ASB18: variants seen among roughly 807,000 people sequenced by gnomAD.
ASB18 encodes ankyrin repeat and SOCS box containing 18, also known as ankyrin repeat and SOCS box protein 18.
In ASB18, 33 loss-of-function variants were observed where a neutral mutation model predicts 33.4. The observed-to-expected ratio is 0.99, with a 90% CI of 0.75 to 1.32. The LOEUF (loss-of-function observed/expected upper bound fraction) is 1.32, where lower values mean the gene tolerates loss of function less well. ASB18 is among the 40% of genes most tolerant of loss of function. ASB18 has a pLI of 0.00. For synonymous variants in ASB18, 295 were observed against 307.6 expected (o/e 0.96, Z 0.43); for missense variants, 694 against 655.5 (o/e 1.06, Z -0.64).
intron 1 of ASB18, among the ~76,000 whole-genome samples, chr2:236,261,242 C>T (rs2060716709): frequency 6.6e-6 from 1 of 152,178 alleles, no homozygotes; most frequent in Non-Finnish European, 1.5e-5. Context: ...CATGGGAGAG[C>T]TTAGGCAAGA....
chr2:236,258,537 G>A (rs766074030), intron 1 of ASB18, among the ~76,000 whole-genome samples: 11 of 152,158 alleles, frequency 7.2e-5, no homozygotes, highest in East Asian at 1.9e-4. Flanking sequence ...CCTCTAAGGC[G>A]GGAGCTGTGC....
At position 236,259,109 on chromosome 2, in the gene ASB18, AC is replaced by A. The variant is rs2060706611; in HGVS notation, c.205+5031del. Among the ~76,000 whole-genome samples the A allele has an allele frequency of 6.6e-6, 1 of 152,184 alleles. No homozygotes were observed. The highest frequency in any genetic ancestry group is 2.1e-4 in the South Asian group (1 of 4,828). ...CTCTCTGTGTTCTCTGCAGCTACTA[AC>A]CAATTGGTATTGAAAAGAGGCAAGC... is the stretch of plus-strand genomic sequence containing the variant. On this transcript the variant is annotated intron_variant, in intron 1 of 5. Transcript: ENST00000409749. The surrounding 1 kb of genome is among the most constrained non-coding windows in gnomAD (Gnocchi z 4.4).
Position 236,196,036 on chromosome 2 carries a change from C to T in ASB18, c.1215+236G>A, listed in dbSNP as rs989506335. On this transcript the variant is annotated intron_variant, in intron 5 of 5. Coordinates refer to ENST00000409749, the MANE Select transcript of ASB18 (RefSeq NM_212556.4). The surrounding 1 kb of genome is among the most constrained non-coding windows in gnomAD (Gnocchi z 5.6). ...AACCCTCGCGCTTTTCAGGCCAGCA[C>T]GGGGCTCTGAGCTCCTTGAGGCCAT... is the stretch of plus-strand genomic sequence containing the variant. 21 of 539,704 alleles carry T rather than the reference C, an allele frequency of 3.9e-5. No individual in the cohort carries two copies. The highest frequency in any genetic ancestry group is 7.7e-5 in the African/African-American group (4 of 52,024). The allele number at this position is 539,704 out of a possible 1,614,324, so 33.4% of individuals were successfully genotyped here. A position where few individuals can be genotyped will look rare whatever the true frequency, so the allele number is the denominator to read the frequency against.
rs2060708557 is a variant in ASB18 at position 236,259,514 on chromosome 2, G to A, written c.205+4627C>T. ...CTTTATGCTTTCATGCAGGGAGGAT[G>A]CACGATTTCTGTCCCAGTGGGAAGG... is the stretch of plus-strand genomic sequence containing the variant. On this transcript the variant is annotated intron_variant, in intron 1 of 5. Coordinates refer to ENST00000409749, the MANE Select transcript of ASB18 (RefSeq NM_212556.4). The surrounding 1 kb of genome is among the most constrained non-coding windows in gnomAD (Gnocchi z 4.4). 2 of 471,120 alleles carry A rather than the reference G, an allele frequency of 4.2e-6. No homozygotes were observed. The highest frequency in any genetic ancestry group is 3.1e-5 in the South Asian group (2 of 64,526). The allele number at this position is 471,120 out of a possible 1,614,324, so 29.2% of individuals were successfully genotyped here.
At position 236,231,512 on chromosome 2, in the gene ASB18, T is replaced by G. The variant is rs549171164; in HGVS notation, c.596+6177A>C. Among the ~76,000 whole-genome samples, 1 of 152,226 alleles carries G rather than the reference T, an allele frequency of 6.6e-6. No individual in the cohort carries two copies. The highest frequency in any genetic ancestry group is 1.5e-5 in the Non-Finnish European group (1 of 67,984). ...TCTTGGAAGCAACACAATGCCATCT[T>G]GGAAGCAGAGAACATGCCCTCACCA... On this transcript the variant is annotated intron_variant, in intron 3 of 5. Transcript: ENST00000409749. The surrounding 1 kb of genome is among the most constrained non-coding windows in gnomAD (Gnocchi z 5.5).
chr2:236,246,346 CAAAAAAAAAAAAAAAAAA>C (rs60064230), intron 1 of ASB18, among the ~76,000 whole-genome samples: 6 of 32,700 alleles, frequency 1.8e-4, no homozygotes, highest in African/African-American at 4.5e-4. Flanking sequence ...GACTCCATCT[CAAAAAAAAAAAAAAAAAA>C]AAAAAAAAAA....
chr2:236,253,274 T>G lies in ASB18; in HGVS notation c.205+10867A>C, dbSNP rs2060675915. Among the ~76,000 whole-genome samples the G allele has an allele frequency of 6.6e-6, 1 of 152,218 alleles. No homozygotes were observed. The highest frequency in any genetic ancestry group is 1.5e-5 in the Non-Finnish European group (1 of 68,034). On this transcript the variant is annotated intron_variant, in intron 1 of 5. Coordinates refer to ENST00000409749, the MANE Select transcript of ASB18 (RefSeq NM_212556.4). The surrounding 1 kb of genome is among the most constrained non-coding windows in gnomAD (Gnocchi z 5.4). ...ACTGAGGTGTTGTGGAGATGTGGCT[T>G]GGACCAGAGTTTCTCAAGCACCCGA...
rs1402332633 is a variant in ASB18, at chr2:236,209,317, G to A, written c.1101+5045C>T. 6.6e-6 allele frequency among the ~76,000 whole-genome samples: 1 copy of A among 150,506 alleles called. No homozygotes were observed. Among genetic ancestry groups the A allele is most frequent in the Non-Finnish European group, 1.5e-5 (1 of 67,882 alleles). On this transcript the variant is annotated intron_variant, in intron 4 of 5. Transcript: ENST00000409749. This position sits in a 1 kb window ranked among gnomAD's most constrained non-coding sequence, Gnocchi z 4.4. Reference sequence around the variant, plus strand: ...AGACAAGGTCTTGCTCTGTCGTCCAGGCTGGAGTGTAGTATTGCAATCATG... The same window carrying A: ...AGACAAGGTCTTGCTCTGTCGTCCAAGCTGGAGTGTAGTATTGCAATCATG...
chr2:236,201,538 T>G (rs79335531), intron 4 of ASB18, among the ~76,000 whole-genome samples: 1 of 143,420 alleles, frequency 7.0e-6, no homozygotes, highest in African/African-American at 2.6e-5. Context: ...AAATGGTTAT[T>G]TTTTAAAATG....
rs140042100 is a variant in ASB18 at position 236,235,640 on chromosome 2, A to T, written c.596+2049T>A. Among the ~76,000 whole-genome samples, 1 of 152,266 alleles carries T rather than the reference A, an allele frequency of 6.6e-6. No individual in the cohort carries two copies. The highest frequency in any genetic ancestry group is 1.5e-5 in the Non-Finnish European group (1 of 68,044). The stretch of plus-strand genomic sequence containing the variant: ...GGTGAGGCTGTAAAGCAACTGGAAC[A>T]TGCAGACATCGCTGGTGCGGATGTA... On this transcript the variant is annotated intron_variant, in intron 3 of 5. Coordinates refer to ENST00000409749, the MANE Select transcript of ASB18 (RefSeq NM_212556.4). This position sits in a 1 kb window ranked among gnomAD's most constrained non-coding sequence, Gnocchi z 6.2.
At chr2:236,218,486 A>G (rs921716575) in intron 3 of ASB18, among the ~76,000 whole-genome samples, 1 of 152,214 alleles carries the variant, frequency 6.6e-6, no homozygotes, top group Non-Finnish European at 1.5e-5. Context: ...GCTTAAATAT[A>G]TCTATGCGTA....
intron 3 of ASB18, among the ~76,000 whole-genome samples, chr2:236,230,455 T>C (rs977363014): frequency 1.3e-5 from 2 of 151,198 alleles, no homozygotes; most frequent in African/African-American, 4.9e-5. Context: ...TGAGTAAACA[T>C]AAACACTTGT....
intron 1 of ASB18, among the ~76,000 whole-genome samples, chr2:236,254,423 C>T (rs963184047): frequency 8.6e-5 from 13 of 151,894 alleles, no homozygotes; most frequent in Non-Finnish European, 1.9e-4. Context: ...ACAGCTGACT[C>T]CCTTCTATCA....
At chr2:236,258,993 C>T (rs1415506805) in intron 1 of ASB18, among the ~76,000 whole-genome samples, 4 of 152,220 alleles carry the variant, frequency 2.6e-5, no homozygotes, top group East Asian at 3.9e-4. Flanking sequence ...TTTCTTAAGT[C>T]GTTTGATTAC....
At position 236,237,054 on chromosome 2, in the gene ASB18, G is replaced by A. The variant is rs1048819412; in HGVS notation, c.596+635C>T. Among the ~76,000 whole-genome samples, 3 of 151,788 alleles carry A rather than the reference G, an allele frequency of 2.0e-5. No homozygotes were observed. Among genetic ancestry groups the A allele is most frequent in the Non-Finnish European group, 4.4e-5 (3 of 67,902 alleles). ...TGCGGGACCCCCAGACCCCGCGCCC[G>A]GGCGCGAACTAGCTGAGCGGCCGCT... On this transcript the variant is annotated intron_variant, in intron 3 of 5. Transcript: ENST00000409749. This position sits in a 1 kb window ranked among gnomAD's most constrained non-coding sequence, Gnocchi z 6.2.
Position 236,238,780 on chromosome 2 carries a change from A to G in ASB18, c.329-824T>C, listed in dbSNP as rs919969300. 1.3e-5 allele frequency among the ~76,000 whole-genome samples: 2 copies of G among 152,180 alleles called. No homozygotes were observed. The highest frequency in any genetic ancestry group is 2.9e-5 in the Non-Finnish European group (2 of 68,028). ...GGGATGTAGTCCCTGGTGAATACAC[A>G]TCAAGGGGCAGGATTTCACATGGCA... is the stretch of plus-strand genomic sequence containing the variant. On this transcript the variant is annotated intron_variant, in intron 2 of 5. Transcript: ENST00000409749. This position sits in a 1 kb window ranked among gnomAD's most constrained non-coding sequence, Gnocchi z 5.2.
rs745755389 is a variant in ASB18 at position 236,214,373 on chromosome 2, C to A, written c.1090G>T (p.Ala364Ser). The A allele has an allele frequency of 1.3e-6, 2 of 1,574,846 alleles. No individual in the cohort carries two copies. Among genetic ancestry groups the A allele is most frequent in the Admixed American group, 1.8e-5 (1 of 55,446 alleles). ...NHGSPTVWPD[A>S]FPKVLKTCAS... The stretch of plus-strand genomic sequence containing the variant: ...GGATCCTGCCTTACCTTGGGGAAGG[C>A]GTCGGGCCACACGGTGGGAGAGCCG... The change falls in exon 4 of 6, where the codon GCC (alanine) becomes TCC (serine). Residue 364 changes from alanine (A) to serine (S), a missense_variant. By Grantham distance (99) the Ala-to-Ser change is moderately conservative. Coordinates refer to ENST00000409749, the MANE Select transcript of ASB18 (RefSeq NM_212556.4). The surrounding 1 kb of genome is among the most constrained non-coding windows in gnomAD (Gnocchi z 6.5).
Position 236,214,099 on chromosome 2 carries a change from C to T in ASB18, c.1101+263G>A, listed in dbSNP as rs1347103521. ...TTCACATGCAACCCCTTAATTGTCT[C>T]GTGGCTCTAACCAGAAGGCTTCTAG... On this transcript the variant is annotated intron_variant, in intron 4 of 5. Coordinates refer to ENST00000409749, the MANE Select transcript of ASB18 (RefSeq NM_212556.4). This position sits in a 1 kb window ranked among gnomAD's most constrained non-coding sequence, Gnocchi z 6.5. The T allele has an allele frequency of 4.1e-6, 2 of 490,940 alleles. No individual in the cohort carries two copies. Among genetic ancestry groups the T allele is most frequent in the Non-Finnish European group, 7.1e-6 (2 of 280,018 alleles). 30.4% of individuals were successfully genotyped at this position (490,940 alleles called of 1,614,324 possible).
chr2:236,255,471 C>T lies in ASB18; in HGVS notation c.205+8670G>A, dbSNP rs1002359923. Among the ~76,000 whole-genome samples the T allele has an allele frequency of 6.6e-6, 1 of 152,096 alleles. No homozygotes were observed. On this transcript the variant is annotated intron_variant, in intron 1 of 5. Coordinates refer to ENST00000409749, the MANE Select transcript of ASB18 (RefSeq NM_212556.4). The surrounding 1 kb of genome is among the most constrained non-coding windows in gnomAD (Gnocchi z 4.4). ...GTATTTCTTTATCACAATGCGAGAA[C>T]GGACTAACACAGTGGGGAGATGTAT...
Sources: gnomAD v4.1 joint callset for allele counts (sites outside exome capture counted in the v4.1 genomes callset) on GRCh38, gnomAD v4.1.1 for gene constraint, Gnocchi (gnomAD v3.1) non-coding constraint, MANE v1.5 for transcripts, NCBI Gene and HGNC (gene_info 2026-07-23, HGNC 2026-07-21) for gene names.